ST7: variants seen among roughly 807,000 people sequenced by gnomAD.
The protein encoded by ST7 is suppression of tumorigenicity 7.
A neutral mutation model predicts 78.7 loss-of-function variants in ST7; 28 were observed. The observed-to-expected ratio is 0.36, with a 90% confidence interval of 0.26 to 0.49. The LOEUF is 0.49. Among genes scored for constraint, ST7 ranks in the 20% least tolerant of loss-of-function variants. ST7 has a pLI of 0.99. For synonymous variants in ST7, 247 were observed against 249.6 expected (o/e 0.99, Z 0.10); for missense variants, 418 against 696.0 (o/e 0.60, Z 4.49).
intron 1 of ST7, among the ~76,000 whole-genome samples, chr7:117,037,432 T>A (rs1563032002): frequency 6.6e-6 from 1 of 152,184 alleles, no homozygotes; most frequent in Non-Finnish European, 1.5e-5. Context: ...AGGTTGGCCA[T>A]GGCATCTAAC....
Position 117,065,561 on chromosome 7 carries a change from A to G in ST7, c.152-34201A>G, listed in dbSNP as rs144752509. 1.2e-4 allele frequency among the ~76,000 whole-genome samples: 18 copies of G among 152,204 alleles called. No homozygotes were observed. In the East Asian group the frequency reaches 3.5e-3, roughly 29 times the overall value. ...CAGTTCACTCTTCCTTTTGTATTCT[A>G]TCCAGTGCAGGCTGCATATATAGAG... On this transcript the variant is annotated intron_variant, in intron 1 of 15. Coordinates refer to ENST00000323984, the MANE Select transcript of ST7 (RefSeq NM_001369598.1).
intron 1 of ST7, among the ~76,000 whole-genome samples, chr7:117,041,617 G>GC (rs779538164): frequency 1.3e-5 from 2 of 151,950 alleles, no homozygotes; most frequent in East Asian, 3.9e-4. Context: ...ACATATAAAT[G>GC]CCCCTTCTCT....
chr7:117,098,853 G>T (rs1188935331), intron 1 of ST7: 1 of 1,294,788 alleles, frequency 7.7e-7, no homozygotes, highest in Non-Finnish European at 1.0e-6. Flanking sequence ...TAAAAGTTTT[G>T]TGTAGTATCT....
chr7:117,045,265 T>C (rs1196115481), intron 1 of ST7, among the ~76,000 whole-genome samples: 1 of 152,070 alleles, frequency 6.6e-6, no homozygotes, highest in South Asian at 2.1e-4. Flanking sequence ...AACCCTCCAG[T>C]AGTTTTCCAT....
At chr7:117,122,938 A>G (rs1257518590) in intron 3 of ST7, among the ~76,000 whole-genome samples, 2 of 152,220 alleles carry the variant, frequency 1.3e-5, no homozygotes, top group South Asian at 4.1e-4. Context: ...AATGCTAAGT[A>G]TCAAGAAGGT....
intron 15 of ST7, among the ~76,000 whole-genome samples, chr7:117,228,451 A>T (rs1689321967): frequency 6.6e-6 from 1 of 152,208 alleles, no homozygotes; most frequent in African/African-American, 2.4e-5. Flanking sequence ...GGTGTAAAAC[A>T]CAGATTGGAG....
intron 10 of ST7, chr7:117,173,692 T>C (rs1808164164): frequency 6.6e-6 from 1 of 152,162 alleles, no homozygotes; most frequent in African/African-American, 2.4e-5. Flanking sequence ...TTCATCCCTC[T>C]CTGTAGAGCC....
At chr7:117,086,657 C>A (rs182559729) in intron 1 of ST7, among the ~76,000 whole-genome samples, 88 of 152,216 alleles carry the variant, frequency 5.8e-4, no homozygotes, top group Non-Finnish European at 7.4e-5. Flanking sequence ...AATTTAGATG[C>A]ATCTTTTAAT....
intron 1 of ST7, among the ~76,000 whole-genome samples, chr7:117,047,718 GT>G (rs1273888839): frequency 1.3e-5 from 2 of 152,196 alleles, no homozygotes; most frequent in Non-Finnish European, 2.9e-5. Context: ...GGCTGGGGAT[GT>G]TTTTCGTGGT....
At chr7:117,157,612 A>C (rs1305921201) in intron 9 of ST7, among the ~76,000 whole-genome samples, 1 of 152,190 alleles carries the variant, frequency 6.6e-6, no homozygotes. Flanking sequence ...TAATCTACTG[A>C]ATAGAATTAT....
At chr7:116,966,164 A>G in intron 1 of ST7, 1 of 416,208 alleles carries the variant, frequency 2.4e-6, no homozygotes, top group Admixed American at 3.0e-5. Context: ...ACATTAAGAC[A>G]GTATCTTTTT....
intron 13 of ST7, among the ~76,000 whole-genome samples, chr7:117,218,751 G>A (rs1194311747): frequency 1.3e-5 from 2 of 152,122 alleles, no homozygotes; most frequent in Admixed American, 1.3e-4. Flanking sequence ...TATTTGTTTA[G>A]CTATATTGAA....
chr7:116,974,543 G>A lies in ST7; in HGVS notation c.151+20852G>A, dbSNP rs150215242. Among the ~76,000 whole-genome samples, 304 of 152,174 alleles carry A rather than the reference G, an allele frequency of 2.0e-3. 2 individuals are homozygous for A. Among genetic ancestry groups the A allele is most frequent in the African/African-American group, 6.2e-3 (257 of 41,536 alleles). ...CCTGACCTCGTGATCCACCTGCCTCGGTCTCCCAAAGTGCTGGGATTACAG... is the reference window on the plus strand; with the variant it reads ...CCTGACCTCGTGATCCACCTGCCTCAGTCTCCCAAAGTGCTGGGATTACAG... On this transcript the variant is annotated intron_variant, in intron 1 of 15. Coordinates refer to ENST00000323984, the MANE Select transcript of ST7 (RefSeq NM_001369598.1).
At chr7:117,026,912 T>A (rs945828844) in intron 1 of ST7, among the ~76,000 whole-genome samples, 6 of 151,634 alleles carry the variant, frequency 4.0e-5, no homozygotes, top group African/African-American at 1.5e-4. Flanking sequence ...CAATAGGAGG[T>A]TTGAGGGGAG....
intron 1 of ST7, among the ~76,000 whole-genome samples, chr7:117,011,190 G>C (rs1795370581): frequency 6.6e-6 from 1 of 152,084 alleles, no homozygotes; most frequent in East Asian, 1.9e-4. Context: ...TTACCACCAG[G>C]CTGAGTTACT....
intron 1 of ST7, chr7:116,956,310 AG>A (rs1250928352): frequency 2.8e-6 from 1 of 351,040 alleles, no homozygotes; most frequent in Non-Finnish European, 5.8e-6. Flanking sequence ...CCAGGGAGAA[AG>A]AAGTCATTAG....
In ST7 at chr7:117,229,687, G is replaced by A. The variant is rs148238329; in HGVS notation, c.1639-75G>A. 2.3e-4 allele frequency: 269 copies of A among 1,189,006 alleles called. No homozygotes were observed. In the African/African-American group the frequency reaches 2.7e-3, roughly 12 times the overall value. The allele number at this position is 1,189,006 out of a possible 1,614,324, so 73.7% of individuals were successfully genotyped here. A position where few individuals can be genotyped will look rare whatever the true frequency, so the allele number is the denominator to read the frequency against. On this transcript the variant is annotated intron_variant, in intron 15 of 15. Coordinates refer to ENST00000323984, the MANE Select transcript of ST7 (RefSeq NM_001369598.1). ...TAATGCAGAGACTTAAGCTGCAAGC[G>A]TGGGTGGAGAGGTTTGTTTTATAGT...
chr7:117,115,966 A>G (rs1020493614), intron 2 of ST7, among the ~76,000 whole-genome samples: 1 of 152,074 alleles, frequency 6.6e-6, no homozygotes, highest in Non-Finnish European at 1.5e-5. Flanking sequence ...TCCAACATCA[A>G]CTGAATGCTT....
intron 12 of ST7, chr7:117,198,247 T>C (rs1004180912): frequency 4.5e-6 from 2 of 440,916 alleles, no homozygotes; most frequent in African/African-American, 4.0e-5. Context: ...ATTCATTCAG[T>C]ACCTGCTCAG....
Sources: allele counts gnomAD v4.1 joint callset (sites outside exome capture counted in the v4.1 genomes callset), GRCh38; gene constraint gnomAD v4.1.1; transcripts MANE v1.5; gene names NCBI Gene and HGNC (gene_info 2026-07-23, HGNC 2026-07-21).